The following PTPRZ1 variants were observed in gnomAD, a reference collection of about 807,000 sequenced individuals.
PTPRZ1 encodes receptor-type tyrosine-protein phosphatase zeta.
A neutral mutation model predicts 214.1 loss-of-function variants in PTPRZ1; 82 were observed. The observed-to-expected ratio is 0.38, with a 90% CI of 0.32 to 0.46. The LOEUF (loss-of-function observed/expected upper bound fraction) is 0.46. Among genes scored for constraint, PTPRZ1 ranks in the 20% least tolerant of loss-of-function variants. The probability of loss-of-function intolerance (pLI) is 1.00; values close to 1 mark genes in which losing one functional copy is unlikely to be tolerated. For missense variants in PTPRZ1, 2,603 were observed against 2,748.7 expected (o/e 0.95, Z 1.19); for synonymous variants, 945 against 987.9 (o/e 0.96, Z 0.81).
chr7:121,910,451 G>A (rs1795238367), intron 1 of PTPRZ1, among the ~76,000 whole-genome samples: 1 of 152,062 alleles, frequency 6.6e-6, no homozygotes, highest in South Asian at 2.1e-4. Context: ...TTGTGGTTTG[G>A]ATGGCTGGGG....
intron 4 of PTPRZ1, among the ~76,000 whole-genome samples, chr7:121,975,642 A>G (rs1320356727): frequency 3.9e-5 from 6 of 152,214 alleles, no homozygotes; most frequent in South Asian, 4.1e-4. Context: ...ACCAAATTAT[A>G]TAGAGGCTGT....
In PTPRZ1 at chr7:122,052,953, C is replaced by T. The variant is rs141291639; in HGVS notation, c.6253-957C>T. ...CTCTATCAGCTTAGCTGATAGCTAC[C>T]ATTCTCAGTGACCACCAGATGCCCA... On this transcript the variant is annotated intron_variant, in intron 25 of 29. Transcript: ENST00000393386. Among the ~76,000 whole-genome samples, 6 of 152,212 alleles carry T rather than the reference C, an allele frequency of 3.9e-5. No homozygotes were observed. The East Asian group carries it at 1.2e-3, about 29-fold the overall frequency.
At chr7:121,962,522 C>T (rs1796912497) in intron 2 of PTPRZ1, among the ~76,000 whole-genome samples, 1 of 151,088 alleles carries the variant, frequency 6.6e-6, no homozygotes, top group Admixed American at 6.6e-5. Context: ...ATTATTAAAG[C>T]AGATAAAATG....
intron 27 of PTPRZ1, among the ~76,000 whole-genome samples, chr7:122,056,498 A>T (rs1792352021): frequency 6.6e-6 from 1 of 151,874 alleles, no homozygotes; most frequent in East Asian, 1.9e-4. Flanking sequence ...TTAACTTCAG[A>T]CATTTTTAGG....
intron 17 of PTPRZ1, among the ~76,000 whole-genome samples, chr7:122,035,552 A>G (rs2150473548): frequency 6.6e-6 from 1 of 152,356 alleles, no homozygotes; most frequent in Non-Finnish European, 1.5e-5. Context: ...CAGGCAAGAT[A>G]GGAAATTGTC....
chr7:121,995,670 T>C (rs896739974), intron 8 of PTPRZ1, among the ~76,000 whole-genome samples: 1 of 152,244 alleles, frequency 6.6e-6, no homozygotes, highest in Non-Finnish European at 1.5e-5. Flanking sequence ...AATTTACTTA[T>C]GATAACAAAA....
chr7:122,002,968 A>G (rs888078935), intron 10 of PTPRZ1, among the ~76,000 whole-genome samples: 42 of 152,324 alleles, frequency 2.8e-4, no homozygotes, highest in Non-Finnish European at 5.1e-4. Context: ...GATTTTTTAT[A>G]TGCATGAACT....
At chr7:122,008,391 A>G (rs1164750783) in intron 11 of PTPRZ1, among the ~76,000 whole-genome samples, 1 of 152,114 alleles carries the variant, frequency 6.6e-6, no homozygotes, top group Non-Finnish European at 1.5e-5. Context: ...TCTGTTTGAG[A>G]ATTTGAGAAA....
At position 122,010,914 on chromosome 7, in the gene PTPRZ1, T is replaced by A. The variant is rs759479388; in HGVS notation, c.1868T>A (p.Ile623Lys). 3 of 1,614,138 alleles carry A rather than the reference T, an allele frequency of 1.9e-6. No individual in the cohort carries two copies. Among genetic ancestry groups the A allele is most frequent in the Non-Finnish European group, 2.5e-6 (3 of 1,180,010 alleles). ...NPETITYDVL[I>K]PESARNASED... is the part of the protein sequence containing the mutation. The stretch of plus-strand genomic sequence containing the variant: ...GAGACAATAACATATGATGTCCTTA[T>A]ACCAGAATCTGCTAGAAATGCTTCC... The change falls in exon 12 of 30, where the codon ATA becomes AAA. Residue 623 changes from isoleucine to lysine, a missense_variant. Around this residue, in one of 6 missense-constraint regions of PTPRZ1, gnomAD observed 1,913 missense variants for 1,914.3 expected, o/e 1.00. Transcript: ENST00000393386.
chr7:122,029,434 A>G (rs1478081072), intron 14 of PTPRZ1, among the ~76,000 whole-genome samples: 1 of 152,034 alleles, frequency 6.6e-6, no homozygotes, highest in Non-Finnish European at 1.5e-5. Context: ...TTATTTAATT[A>G]ACATTTTATA....
In PTPRZ1 at chr7:122,036,654, C is replaced by T. The variant is rs1233744919; in HGVS notation, c.5339C>T (p.Thr1780Ile). ...AQLAEKDGKLTDYINANYVDG... is the reference protein window; with the variant it reads ...AQLAEKDGKLIDYINANYVDG... The stretch of plus-strand genomic sequence containing the variant: ...CTTGCTGAAAAGGATGGCAAACTGA[C>T]TGATTATATCAATGCCAATTATGTT... The change falls in exon 18 of 30, where the codon ACT becomes ATT. Residue 1780 changes from threonine to isoleucine, a missense_variant. Transcript: ENST00000393386. 6.2e-7 allele frequency: 1 copy of T among 1,607,310 alleles called. No individual in the cohort carries two copies. Among genetic ancestry groups the T allele is most frequent in the Non-Finnish European group, 8.5e-7 (1 of 1,174,004 alleles).
At chr7:121,951,990 GCTCTGTCGC>G (rs1796557589) in intron 2 of PTPRZ1, among the ~76,000 whole-genome samples, 1 of 147,354 alleles carries the variant, frequency 6.8e-6, no homozygotes, top group African/African-American at 2.5e-5. Flanking sequence ...ACGGAGTCTC[GCTCTGTCGC>G]CCAGGCTGGA....
chr7:121,874,862 G>A (rs758910931), intron 1 of PTPRZ1, among the ~76,000 whole-genome samples: 2 of 152,084 alleles, frequency 1.3e-5, no homozygotes, highest in Non-Finnish European at 2.9e-5. Context: ...TAAAAAGTAC[G>A]TGGTCATCAA....
At position 122,013,432 on chromosome 7, in the gene PTPRZ1, C is replaced by T. The variant is rs369161178; in HGVS notation, c.4386C>T (p.His1462=). 9.9e-6 allele frequency: 16 copies of T among 1,614,002 alleles called. No homozygotes were observed. Among genetic ancestry groups the T allele is most frequent in the Middle Eastern group, 1.6e-4 (1 of 6,084 alleles). ...AGGTAATGAATGATTCAGACACCCA[C>T]GAAAACAGTCTTATGGATCAGAATA... ...QEKVMNDSDT[H]ENSLMDQNNP... is the part of the protein sequence containing the mutation. Residue 1462 remains histidine, a synonymous_variant, in exon 12 of 30, where the codon CAC becomes CAT. Coordinates refer to ENST00000393386, the MANE Select transcript of PTPRZ1 (RefSeq NM_002851.3).
chr7:122,038,545 T>C lies in PTPRZ1; in HGVS notation c.5368-210T>C, dbSNP rs937856312. Among the ~76,000 whole-genome samples the C allele has an allele frequency of 3.6e-5, 5 of 137,332 alleles. No individual in the cohort carries two copies. The Admixed American group carries it at 3.9e-4, about 11-fold the overall frequency. 90.1% of individuals were successfully genotyped at this position (137,332 alleles called of 152,430 possible). A position where few individuals can be genotyped will look rare whatever the true frequency, so the allele number is the denominator to read the frequency against. On this transcript the variant is annotated intron_variant, in intron 18 of 29. Coordinates refer to ENST00000393386, the MANE Select transcript of PTPRZ1 (RefSeq NM_002851.3). ...TTTTTTTTTTTTTTTACAAAAATGA[T>C]AGGGATCCTTCTGCTTCCTAACCAA...
At chr7:121,895,320 A>G (rs1384394549) in intron 1 of PTPRZ1, among the ~76,000 whole-genome samples, 1 of 152,074 alleles carries the variant, frequency 6.6e-6, no homozygotes, top group African/African-American at 2.4e-5. Context: ...AATCATACTT[A>G]TTTCTCTTTT....
rs191497929 is a variant in PTPRZ1, at chr7:122,003,758, A to G, written c.1241-856A>G. Among the ~76,000 whole-genome samples the G allele has an allele frequency of 8.5e-5, 13 of 152,336 alleles. No homozygotes were observed. The East Asian group carries it at 2.5e-3, about 29-fold the overall frequency. ...CCTAATGACCCAGGCAGCTCAGACC[A>G]AGACTAAAGAAAAATTCTCTGGCCG... is the stretch of plus-strand genomic sequence containing the variant. On this transcript the variant is annotated intron_variant, in intron 10 of 29. Coordinates refer to ENST00000393386, the MANE Select transcript of PTPRZ1 (RefSeq NM_002851.3).
chr7:121,932,914 G>T (rs1158041702), intron 2 of PTPRZ1, among the ~76,000 whole-genome samples: 1 of 152,086 alleles, frequency 6.6e-6, no homozygotes, highest in African/African-American at 2.4e-5. Flanking sequence ...GCTAAGAAAT[G>T]ACAGGGTTGG....
At chr7:121,999,787 T>A (rs1164979971) in intron 10 of PTPRZ1, among the ~76,000 whole-genome samples, 1 of 152,194 alleles carries the variant, frequency 6.6e-6, no homozygotes, top group South Asian at 2.1e-4. Flanking sequence ...ATTTTCTCCA[T>A]AAGTGATTTC....
Sources: allele counts gnomAD v4.1 joint callset (sites outside exome capture counted in the v4.1 genomes callset), GRCh38; gene constraint gnomAD v4.1.1; regional missense constraint gnomAD v4.1.1; transcripts MANE v1.5; gene names NCBI Gene and HGNC (gene_info 2026-07-23, HGNC 2026-07-21).